Variants in TRAPPC9 observed in about 807,000 individuals in gnomAD.
The protein encoded by TRAPPC9 is trafficking protein particle complex subunit 9, also known as IKK2 binding protein.
TRAPPC9 carries 83 observed loss-of-function variants against 124.0 expected under a neutral mutation model. The ratio of observed to expected loss-of-function variants is 0.67; its 90% CI spans 0.56 to 0.80. The LOEUF (loss-of-function observed/expected upper bound fraction) is 0.80, where lower values mean the gene tolerates loss of function less well. TRAPPC9 is among the 30% of genes least tolerant of loss of function. The pLI is 0.00. For missense variants in TRAPPC9, 1,302 were observed against 1,508.3 expected (o/e 0.86, Z 2.27); for synonymous variants, 638 against 617.5 (o/e 1.03, Z -0.49).
intron 21 of TRAPPC9, among the ~76,000 whole-genome samples, chr8:139,747,546 A>T (rs1254017642): frequency 1.9e-3 from 59 of 30,544 alleles, no homozygotes; most frequent in Middle Eastern, 0.028. Flanking sequence ...CAGAGCAGGT[A>T]GGGGGGGCGT....
At chr8:140,275,932 G>A in intron 14 of TRAPPC9, 111 bp from the exon 15 acceptor site, 1 of 897,190 alleles carries the variant, frequency 1.1e-6, no homozygotes, top group South Asian at 1.5e-5. Context: ...TCAGAAACAG[G>A]GGCTAGGAAA....
At chr8:140,379,329 T>C (rs1014831651) in intron 7 of TRAPPC9, among the ~76,000 whole-genome samples, 2 of 152,220 alleles carry the variant, frequency 1.3e-5, no homozygotes, top group African/African-American at 2.4e-5. Flanking sequence ...TCCCATCCTC[T>C]TCCATGCACC....
intron 16 of TRAPPC9, among the ~76,000 whole-genome samples, chr8:140,246,701 G>A (rs191629504): frequency 3.6e-4 from 55 of 151,966 alleles, no homozygotes; most frequent in Non-Finnish European, 6.2e-4. Context: ...TTACTTTTGG[G>A]GCCGGGCATG....
chr8:139,754,921 A>G (rs1460846304), intron 21 of TRAPPC9, among the ~76,000 whole-genome samples: 1 of 152,238 alleles, frequency 6.6e-6, no homozygotes, highest in African/African-American at 2.4e-5. Context: ...CGTACTAGGA[A>G]CACAGGGTGT....
At chr8:140,360,001 C>G (rs753709121) in intron 9 of TRAPPC9, 49 bp downstream of exon 9, 48 of 1,613,066 alleles carry the variant, frequency 3.0e-5, no homozygotes, top group Non-Finnish European at 4.0e-5. Flanking sequence ...CTAAAGTGCT[C>G]TCATTCACAG....
intron 17 of TRAPPC9, among the ~76,000 whole-genome samples, chr8:140,113,567 G>A (rs1161019510): frequency 1.3e-5 from 2 of 152,220 alleles, no homozygotes; most frequent in South Asian, 2.1e-4. Flanking sequence ...ACTGCTCAGA[G>A]GGAGTCCTGG....
chr8:140,444,685 A>ACCC (rs35123329), intron 2 of TRAPPC9, among the ~76,000 whole-genome samples: 11,265 of 150,122 alleles, frequency 0.075, 445 homozygotes, highest in Non-Finnish European at 0.082. Flanking sequence ...ACATGGTGAG[A>ACCC]CCCCCCCCAT....
intron 8 of TRAPPC9, among the ~76,000 whole-genome samples, chr8:140,362,291 G>C (rs1052481248): frequency 6.6e-6 from 1 of 152,124 alleles, no homozygotes; most frequent in African/African-American, 2.4e-5. Flanking sequence ...CCCATGTTGC[G>C]GACGTGCATA....
chr8:139,987,400 C>T (rs780141351), intron 19 of TRAPPC9, among the ~76,000 whole-genome samples: 3 of 152,222 alleles, frequency 2.0e-5, no homozygotes, highest in Middle Eastern at 3.2e-3. Flanking sequence ...CACACCCTCA[C>T]CAACATTTGG....
intron 18 of TRAPPC9, among the ~76,000 whole-genome samples, chr8:140,012,676 G>A (rs1839213629): frequency 1.3e-5 from 2 of 152,166 alleles, no homozygotes; most frequent in Admixed American, 6.5e-5. Flanking sequence ...AGTGACTAGG[G>A]TCCTGATGCA....
chr8:139,800,321 G>A (rs1436325779), intron 21 of TRAPPC9, among the ~76,000 whole-genome samples: 1 of 152,260 alleles, frequency 6.6e-6, no homozygotes, highest in East Asian at 1.9e-4. Flanking sequence ...ACAGGGCCAG[G>A]GAAGTGGGTG....
intron 9 of TRAPPC9, among the ~76,000 whole-genome samples, chr8:140,315,532 G>A (rs889180905): frequency 6.6e-6 from 1 of 151,862 alleles, no homozygotes; most frequent in Non-Finnish European, 1.5e-5. Context: ...TATTTTATTA[G>A]GAAATATTGT....
chr8:140,333,510 C>T (rs1344332833), intron 9 of TRAPPC9, among the ~76,000 whole-genome samples: 1 of 152,170 alleles, frequency 6.6e-6, no homozygotes, highest in African/African-American at 2.4e-5. Flanking sequence ...CCTGCCTCAG[C>T]CTCCTCAGTA....
intron 17 of TRAPPC9, among the ~76,000 whole-genome samples, chr8:140,056,907 C>T (rs1842317347): frequency 6.6e-6 from 1 of 152,068 alleles, no homozygotes; most frequent in East Asian, 1.9e-4. Context: ...ATTTGCAAAC[C>T]ATTTATCTGA....
intron 6 of TRAPPC9, among the ~76,000 whole-genome samples, chr8:140,398,323 A>G (rs2069154485): frequency 6.6e-6 from 1 of 152,254 alleles, no homozygotes; most frequent in Non-Finnish European, 1.5e-5. Flanking sequence ...GGAACTGGGT[A>G]ACAGACAGAG....
At chr8:139,919,723 T>C (rs574914560) in intron 19 of TRAPPC9, among the ~76,000 whole-genome samples, 23 of 152,322 alleles carry the variant, frequency 1.5e-4, no homozygotes, top group African/African-American at 5.5e-4. Context: ...CATCCTTACC[T>C]TGGTTGTGTC....
intron 19 of TRAPPC9, among the ~76,000 whole-genome samples, chr8:139,957,737 G>A (rs904304399): frequency 1.2e-4 from 18 of 150,144 alleles, no homozygotes; most frequent in African/African-American, 4.0e-4. Context: ...TGGCTCACTC[G>A]CTTGCTCAGG....
intron 13 of TRAPPC9, 52 bp from the exon 14 acceptor site, chr8:140,284,073 C>G (rs372475821): frequency 6.2e-7 from 1 of 1,611,236 alleles, no homozygotes; most frequent in Non-Finnish European, 8.5e-7. Context: ...TTGGGTCTCA[C>G]GCCCACGGCT....
At chr8:140,175,351 A>G (rs867367597) in intron 17 of TRAPPC9, among the ~76,000 whole-genome samples, 1 of 151,762 alleles carries the variant, frequency 6.6e-6, no homozygotes, top group Non-Finnish European at 1.5e-5. Context: ...AGACATTGGC[A>G]TAAGAGACGC....
Sources: allele counts gnomAD v4.1 joint callset (sites outside exome capture counted in the v4.1 genomes callset), GRCh38; gene constraint gnomAD v4.1.1; transcripts MANE v1.5; gene names NCBI Gene and HGNC (gene_info 2026-07-23, HGNC 2026-07-21).